Variants in MAP3K11 observed in about 807,000 individuals in gnomAD.
MAP3K11 encodes SH3 domain-containing proline-rich kinase.
In MAP3K11, 46 loss-of-function variants were observed where a neutral mutation model predicts 84.9. The ratio of observed to expected loss-of-function variants is 0.54; its 90% confidence interval spans 0.43 to 0.69. MAP3K11 has a LOEUF of 0.69. Among genes scored for constraint, MAP3K11 ranks in the 30% least tolerant of loss-of-function variants. MAP3K11 has a pLI of 0.00. For synonymous variants in MAP3K11, 527 were observed against 514.7 expected (o/e 1.02, Z -0.32); for missense variants, 1,053 against 1,198.3 (o/e 0.88, Z 1.79).
At chr11:65,612,794 C>T (rs1017923846) in intron 1 of MAP3K11, 1 of 425,914 alleles carries the variant, frequency 2.3e-6, no homozygotes, top group Non-Finnish European at 4.0e-6. Context: ...ACCGCAGCTG[C>T]AGGCTGGGGT....
chr11:65,607,520 C>G lies in MAP3K11; in HGVS notation c.1246-7G>C. On this transcript the variant is annotated splice_polypyrimidine_tract_variant and splice_region_variant and intron_variant, in intron 4 of 9. Transcript: ENST00000309100. ...CCTCGCGGCTCAGTAGTTCCTGCGCCCGAGACAGCGATGGTGGAGAGGTCA... is the reference window on the plus strand; with the variant it reads ...CCTCGCGGCTCAGTAGTTCCTGCGCGCGAGACAGCGATGGTGGAGAGGTCA... 6.4e-7 allele frequency: 1 copy of G among 1,561,642 alleles called. No individual in the cohort carries two copies. Among genetic ancestry groups the G allele is most frequent in the Admixed American group, 1.9e-5 (1 of 53,914 alleles).
Position 65,613,528 on chromosome 11 carries a change from T to C in MAP3K11, c.229A>G (p.Ile77Val), listed in dbSNP as rs2135375669. The change falls in exon 1 of 10, where the codon ATC becomes GTC. Residue 77 changes from isoleucine to valine, a missense_variant. Transcript: ENST00000309100. The part of the protein sequence containing the change: ...RVEVLSRDAA[I>V]SGDEGWWAGQ... ...GCCCACCAGCCCTCGTCTCCTGAGATGGCTGCGTCCCGGGACAGCACCTCC... is the reference window on the plus strand; with the variant it reads ...GCCCACCAGCCCTCGTCTCCTGAGACGGCTGCGTCCCGGGACAGCACCTCC... 1 of 1,610,590 alleles carries C rather than the reference T, an allele frequency of 6.2e-7. No individual in the cohort carries two copies. The highest frequency in any genetic ancestry group is 2.2e-5 in the East Asian group (1 of 44,784).
At chr11:65,606,110 TA>T (rs760505657) in intron 6 of MAP3K11, 29 bp from the exon 7 acceptor site, 130 of 1,550,170 alleles carry the variant, frequency 8.4e-5, no homozygotes, top group Non-Finnish European at 9.8e-5. Context: ...AAATCGGAGA[TA>T]ATCTTTATTC....
rs138968470 is a variant in MAP3K11, at chr11:65,605,781, G to A, written c.1811C>T (p.Ser604Phe). 206 of 1,610,888 alleles carry A rather than the reference G, an allele frequency of 1.3e-4. No homozygotes were observed. The highest frequency in any genetic ancestry group is 1.7e-4 in the Non-Finnish European group (203 of 1,178,674). ...SDDSSPLGSP[S>F]TPPALNGNPP... ...CTCACCATTGAGTGCTGGGGGTGTG[G>A]AAGGAGATCCTAAGGGGGATGAGTC... The change falls in exon 8 of 10, where the codon TCC (serine) becomes TTC (phenylalanine). Residue 604 changes from serine (S) to phenylalanine (F), a missense_variant. Transcript: ENST00000309100.
intron 5 of MAP3K11, 75 bp downstream of exon 5, chr11:65,607,194 CG>C: frequency 7.2e-7 from 1 of 1,398,206 alleles, no homozygotes; most frequent in Non-Finnish European, 9.2e-7. Context: ...AATCCCAGCG[CG>C]GTGAGCACAC....
chr11:65,613,517 G>A lies in MAP3K11; in HGVS notation c.240C>T (p.Asp80=), dbSNP rs374278910. The A allele has an allele frequency of 1.9e-5, 31 of 1,610,180 alleles. No individual in the cohort carries two copies. The highest frequency in any genetic ancestry group is 4.5e-5 in the East Asian group (2 of 44,782). ...CCACCTGGCCCGCCCACCAGCCCTC[G>A]TCTCCTGAGATGGCTGCGTCCCGGG... The part of the protein sequence containing the change: ...VLSRDAAISG[D]EGWWAGQVGG... Residue 80 remains aspartate (D), a synonymous_variant, in exon 1 of 10, where the codon GAC becomes GAT. Transcript: ENST00000309100.
At chr11:65,599,338 C>T in intron 9 of MAP3K11, 56 bp downstream of exon 9, 1 of 1,484,600 alleles carries the variant, frequency 6.7e-7, no homozygotes, top group Non-Finnish European at 8.9e-7. Flanking sequence ...CCACTCCTCC[C>T]TCCCTGGGAA....
chr11:65,613,825 C>T lies in MAP3K11; in HGVS notation c.-69G>A. 1 of 1,447,882 alleles carries T rather than the reference C, an allele frequency of 6.9e-7. No individual in the cohort carries two copies. The highest frequency in any genetic ancestry group is 9.1e-7 in the Non-Finnish European group (1 of 1,101,664). 89.7% of individuals were successfully genotyped at this position (1,447,882 alleles called of 1,614,324 possible). A position where few individuals can be genotyped will look rare whatever the true frequency, so the allele number is the denominator to read the frequency against. On this transcript the variant is annotated 5_prime_UTR_variant, in exon 1 of 10. Transcript: ENST00000309100. Reference sequence around the variant, plus strand: ...TGCCCGTGGTCCCCACCCCCGCTGGCTGCCAAGGCCCTAGTCCCGGAACCT... The same window carrying T: ...TGCCCGTGGTCCCCACCCCCGCTGGTTGCCAAGGCCCTAGTCCCGGAACCT...
intron 3 of MAP3K11, 49 bp downstream of exon 3, chr11:65,607,873 T>C (rs1484976301): frequency 2.5e-6 from 4 of 1,608,484 alleles, no homozygotes; most frequent in Admixed American, 3.3e-5. Context: ...GGTGGATGTG[T>C]CCTGGGCCAG....
Position 65,607,250 on chromosome 11 carries a change from C to T in MAP3K11, c.1489+20G>A. The T allele has an allele frequency of 1.4e-6, 2 of 1,474,202 alleles. No homozygotes were observed. Among genetic ancestry groups the T allele is most frequent in the Non-Finnish European group, 1.8e-6 (2 of 1,122,880 alleles). 91.3% of individuals were successfully genotyped at this position (1,474,202 alleles called of 1,614,324 possible). A position where few individuals can be genotyped will look rare whatever the true frequency, so the allele number is the denominator to read the frequency against. ...CCCCCGCAGCCAATGGCGGGGGACG[C>T]CCCGGGGCCCGGCCCTCACCGAGTG... On this transcript the variant is annotated intron_variant, in intron 5 of 9. Coordinates refer to ENST00000309100, the MANE Select transcript of MAP3K11 (RefSeq NM_002419.4).
At chr11:65,605,232 G>A (rs567691308) in intron 8 of MAP3K11, among the ~76,000 whole-genome samples, 4 of 152,290 alleles carry the variant, frequency 2.6e-5, no homozygotes, top group South Asian at 4.1e-4. Context: ...AAGGCCCCGA[G>A]CTATCCTGGA....
Position 65,613,459 on chromosome 11 carries a change from C to T in MAP3K11, c.298G>A (p.Val100Met), listed in dbSNP as rs1197004983. Reference sequence around the variant, plus strand: ...GGGGGCGGGCCGCCACCCCGAGACACATAGTTGGACGGGAAGATGCCCACC... The same window carrying T: ...GGGGGCGGGCCGCCACCCCGAGACATATAGTTGGACGGGAAGATGCCCACC... ...GQVGIFPSNYVSRGGGPPPCE... is the reference protein window; with the variant it reads ...GQVGIFPSNYMSRGGGPPPCE... Residue 100 changes from valine to methionine, a missense_variant, in exon 1 of 10, where the codon GTG (valine) becomes ATG (methionine). This residue lies in a region of MAP3K11 where 160 missense variants were observed against 167.3 expected (regional missense o/e 0.96). Transcript: ENST00000309100. 6.2e-7 allele frequency: 1 copy of T among 1,612,324 alleles called. No individual in the cohort carries two copies. Among genetic ancestry groups the T allele is most frequent in the East Asian group, 2.2e-5 (1 of 44,868 alleles).
At chr11:65,607,596 C>T (rs1484901968) in intron 4 of MAP3K11, 45 bp downstream of exon 4, 1 of 1,569,908 alleles carries the variant, frequency 6.4e-7, no homozygotes, top group South Asian at 1.2e-5. Flanking sequence ...CCAGGGAGAT[C>T]GGGGAGACAC....
rs987667574 is a variant in MAP3K11 at position 65,613,280 on chromosome 11, C to T, written c.477G>A (p.Glu159=). 4 of 1,612,848 alleles carry T rather than the reference C, an allele frequency of 2.5e-6. No individual in the cohort carries two copies. Among genetic ancestry groups the T allele is most frequent in the African/African-American group, 1.3e-5 (1 of 75,058 alleles). The change falls in exon 1 of 10, where the codon GAG becomes GAA. Residue 159 remains glutamate (E), a synonymous_variant. Transcript: ENST00000309100. ...DPDEDISVTA[E]SVRQEARLFA... ...AGAGCCGGGCCTCCTGGCGAACGCT[C>T]TCGGCTGTCACACTGATGTCCTCAT...
In MAP3K11 at chr11:65,608,541, G is replaced by A. The variant is rs1854539223; in HGVS notation, c.740-93C>T. 5 of 1,211,666 alleles carry A rather than the reference G, an allele frequency of 4.1e-6. No homozygotes were observed. The South Asian group carries it at 5.4e-5, about 13-fold the overall frequency. The allele number at this position is 1,211,666 out of a possible 1,614,324, so 75.1% of individuals were successfully genotyped here. A position where few individuals can be genotyped will look rare whatever the true frequency, so the allele number is the denominator to read the frequency against. Reference sequence around the variant, plus strand: ...GCAAACTCATCTGACGGACATCCTGGCTGGGTCCTGGGGGCACAGAGGTGA... The same window carrying A: ...GCAAACTCATCTGACGGACATCCTGACTGGGTCCTGGGGGCACAGAGGTGA... On this transcript the variant is annotated intron_variant, in intron 1 of 9. Coordinates refer to ENST00000309100, the MANE Select transcript of MAP3K11 (RefSeq NM_002419.4).
In MAP3K11 at chr11:65,598,003, A is replaced by C; in HGVS notation, c.*288T>G. On this transcript the variant is annotated 3_prime_UTR_variant, in exon 10 of 10. Transcript: ENST00000309100. ...CCTCCCCTCCTCCCTGCATCACCCC[A>C]GCAGGCAATTCCCTGAGACAGGCTC... 2.9e-6 allele frequency: 1 copy of C among 342,748 alleles called. No individual in the cohort carries two copies. Among genetic ancestry groups the C allele is most frequent in the Non-Finnish European group, 5.3e-6 (1 of 189,736 alleles). 21.2% of individuals were successfully genotyped at this position (342,748 alleles called of 1,614,324 possible). A position where few individuals can be genotyped will look rare whatever the true frequency, so the allele number is the denominator to read the frequency against.
chr11:65,608,186 T>C, intron 2 of MAP3K11, 82 bp downstream of exon 2: 2 of 1,591,376 alleles, frequency 1.3e-6, no homozygotes, highest in South Asian at 1.1e-5. Context: ...GTCCCTGGAC[T>C]TGGCCCAGCC....
At chr11:65,606,287 C>A (rs1285832018) in intron 6 of MAP3K11, 3 of 523,714 alleles carry the variant, frequency 5.7e-6, no homozygotes, top group Non-Finnish European at 9.7e-6. Context: ...CTGAAGTTTG[C>A]TGCTTAGTAA....
intron 5 of MAP3K11, 126 bp downstream of exon 5, chr11:65,607,144 C>A: frequency 7.8e-7 from 1 of 1,279,154 alleles, no homozygotes; most frequent in Non-Finnish European, 1.0e-6. Flanking sequence ...CCACCCCTCC[C>A]AGCCTTCATC....
Sources: gnomAD v4.1 joint callset for allele counts (sites outside exome capture counted in the v4.1 genomes callset) on GRCh38, gnomAD v4.1.1 for gene constraint, gnomAD v4.1.1 regional missense constraint, MANE v1.5 for transcripts, NCBI Gene and HGNC (gene_info 2026-07-23, HGNC 2026-07-21) for gene names.